LGMN: variants seen among roughly 807,000 people sequenced by gnomAD.
LGMN encodes the protein legumain, also known as asparaginyl endopeptidase.
LGMN carries 36 observed loss-of-function variants against 56.8 expected under a neutral mutation model. That is an observed-to-expected ratio of 0.63 (90% CI 0.49 to 0.84). The LOEUF (loss-of-function observed/expected upper bound fraction) is 0.84. Ranked by LOEUF, LGMN falls within the 40% of genes least tolerant of loss-of-function variation. LGMN has a pLI of 0.00. For missense variants in LGMN, 446 were observed against 556.1 expected (o/e 0.80, Z 1.99); for synonymous variants, 199 against 210.1 (o/e 0.95, Z 0.46).
rs1185566157 is a variant in LGMN at position 92,703,836 on chromosome 14, T to G, written c.*483A>C. 2 of 330,244 alleles carry G rather than the reference T, an allele frequency of 6.1e-6. No individual in the cohort carries two copies. The highest frequency in any genetic ancestry group is 1.1e-5 in the Non-Finnish European group (2 of 175,682). The allele number at this position is 330,244 out of a possible 1,614,324, so 20.5% of individuals were successfully genotyped here. ...TGGGTTCTGTTATAAATCTTTATTT[T>G]TTAAGACTTGAACACCTGCAGAATT... is the stretch of plus-strand genomic sequence containing the variant. On this transcript the variant is annotated 3_prime_UTR_variant, in exon 14 of 14. Transcript: ENST00000334869.
chr14:92,718,181 G>T (rs1219496705), intron 3 of LGMN, among the ~76,000 whole-genome samples: 1 of 152,178 alleles, frequency 6.6e-6, no homozygotes, highest in East Asian at 1.9e-4. Flanking sequence ...AGTCCTCGAA[G>T]GTGAGGAGGA....
chr14:92,703,817 C>A lies in LGMN; in HGVS notation c.*502G>T, dbSNP rs971741604. 2 of 302,330 alleles carry A rather than the reference C, an allele frequency of 6.6e-6. No individual in the cohort carries two copies. Among genetic ancestry groups the A allele is most frequent in the South Asian group, 2.8e-5 (1 of 35,132 alleles). The allele number at this position is 302,330 out of a possible 1,614,324, so 18.7% of individuals were successfully genotyped here. A position where few individuals can be genotyped will look rare whatever the true frequency, so the allele number is the denominator to read the frequency against. ...AGTGTCGGACGTGAATATTTGGGTT[C>A]TGTTATAAATCTTTATTTTTTAAGA... On this transcript the variant is annotated 3_prime_UTR_variant, in exon 14 of 14. Transcript: ENST00000334869.
At chr14:92,717,762 G>A (rs1304426049) in intron 3 of LGMN, among the ~76,000 whole-genome samples, 3 of 152,146 alleles carry the variant, frequency 2.0e-5, no homozygotes, top group African/African-American at 7.2e-5. Flanking sequence ...GTGAGGGCAA[G>A]GTCTCATCAA....
chr14:92,709,642 C>G, intron 11 of LGMN, 30 bp downstream of exon 11: 1 of 1,599,476 alleles, frequency 6.3e-7, no homozygotes, highest in Non-Finnish European at 8.6e-7. Context: ...GGGACAGCAC[C>G]TGGGCACAGC....
At chr14:92,726,771 T>G (rs1420362535) in intron 2 of LGMN, among the ~76,000 whole-genome samples, 1 of 152,074 alleles carries the variant, frequency 6.6e-6, no homozygotes, top group Non-Finnish European at 1.5e-5. Flanking sequence ...TGTGGCCACC[T>G]TCCTTTCCAC....
rs1394205493 is a variant in LGMN, at chr14:92,704,282, GCGCTCA to G, written c.*31_*36del. The G allele has an allele frequency of 1.2e-6, 2 of 1,613,808 alleles. No homozygotes were observed. The highest frequency in any genetic ancestry group is 2.7e-5 in the African/African-American group (2 of 74,884). ...CTCTGATCAGCACACAGTCGGTGGG[GCGCTCA>G]CACTTGGAAAAGCTTCCAGGAGGCA... On this transcript the variant is annotated 3_prime_UTR_variant, in exon 14 of 14. Transcript: ENST00000334869.
intron 10 of LGMN, among the ~76,000 whole-genome samples, chr14:92,711,105 A>G (rs898893105): frequency 1.3e-5 from 2 of 152,192 alleles, no homozygotes; most frequent in Non-Finnish European, 1.5e-5. Flanking sequence ...CTTAGGGCCC[A>G]AGCTTTTAGC....
At chr14:92,723,156 A>C (rs1890567505) in intron 2 of LGMN, among the ~76,000 whole-genome samples, 1 of 151,538 alleles carries the variant, frequency 6.6e-6, no homozygotes, top group Non-Finnish European at 1.5e-5. Flanking sequence ...AAGCGATGCT[A>C]CTGCCTCAGC....
At chr14:92,712,554 A>G (rs1051446209) in intron 8 of LGMN, among the ~76,000 whole-genome samples, 2 of 152,226 alleles carry the variant, frequency 1.3e-5, no homozygotes, top group African/African-American at 4.8e-5. Flanking sequence ...AAGCCCATGT[A>G]GTTTTAGCTT....
At chr14:92,726,137 T>A (rs1890728740) in intron 2 of LGMN, among the ~76,000 whole-genome samples, 1 of 150,684 alleles carries the variant, frequency 6.6e-6, no homozygotes, top group Non-Finnish European at 1.5e-5. Flanking sequence ...TTCGGGAGGC[T>A]GAGACAGGAG....
chr14:92,708,279 T>C (rs1889550523), intron 11 of LGMN, among the ~76,000 whole-genome samples: 1 of 151,902 alleles, frequency 6.6e-6, no homozygotes, highest in Non-Finnish European at 1.5e-5. Flanking sequence ...GAACAAAAGC[T>C]CTTTGGGATC....
chr14:92,711,044 C>A (rs1566917046), intron 10 of LGMN, among the ~76,000 whole-genome samples: 1 of 152,212 alleles, frequency 6.6e-6, no homozygotes. Context: ...GGAGGCCCTG[C>A]ACATTTGTTA....
chr14:92,719,240 C>CCAACACCAA, intron 2 of LGMN, among the ~76,000 whole-genome samples: 1 of 21,822 alleles, frequency 4.6e-5, no homozygotes, highest in African/African-American at 3.7e-4. Context: ...GCCACCGCCA[C>CCAACACCAA]CACCGCCACC....
At chr14:92,734,020 A>G (rs1246570450) in intron 1 of LGMN, among the ~76,000 whole-genome samples, 6 of 152,224 alleles carry the variant, frequency 3.9e-5, no homozygotes, top group Non-Finnish European at 7.3e-5. Flanking sequence ...CTAAAAATTC[A>G]GTATAGGTTT....
intron 1 of LGMN, among the ~76,000 whole-genome samples, chr14:92,746,750 C>T (rs1435160346): frequency 1.3e-5 from 2 of 151,998 alleles, no homozygotes; most frequent in Non-Finnish European, 2.9e-5. Context: ...TAAAATCCCA[C>T]CACCAGCCGG....
intron 2 of LGMN, among the ~76,000 whole-genome samples, chr14:92,729,839 C>T (rs1357492594): frequency 1.3e-5 from 2 of 152,148 alleles, no homozygotes; most frequent in Admixed American, 1.3e-4. Flanking sequence ...AGGGGTGAAT[C>T]GGCACAAATC....
chr14:92,729,017 C>A (rs1340457360), intron 2 of LGMN, among the ~76,000 whole-genome samples: 1 of 152,064 alleles, frequency 6.6e-6, no homozygotes, highest in African/African-American at 2.4e-5. Flanking sequence ...GGGTGACATG[C>A]ATCGCCAGCA....
intron 2 of LGMN, among the ~76,000 whole-genome samples, chr14:92,727,427 C>CAT (rs1254031769): frequency 2.0e-5 from 1 of 50,152 alleles, no homozygotes; most frequent in African/African-American, 8.1e-5. Flanking sequence ...AAGACTGCCT[C>CAT]ACAAAAAAAA....
chr14:92,732,587 G>A, intron 2 of LGMN, 62 bp downstream of exon 2: 1 of 1,558,484 alleles, frequency 6.4e-7, no homozygotes, highest in Non-Finnish European at 8.8e-7. Flanking sequence ...TATTAACAGT[G>A]TCTGGAATTG....
Sources: gnomAD v4.1 joint callset for allele counts (sites outside exome capture counted in the v4.1 genomes callset) on GRCh38, gnomAD v4.1.1 for gene constraint, MANE v1.5 for transcripts, NCBI Gene and HGNC (gene_info 2026-07-23, HGNC 2026-07-21) for gene names.